NAV2: variants seen among roughly 807,000 people sequenced by gnomAD.
NAV2 encodes the protein neuron navigator 2, also known as helicase, APC down-regulated 1.
Under a neutral mutation model 223.2 loss-of-function variants are expected in NAV2, and 54 were observed. The ratio of observed to expected loss-of-function variants is 0.24; its 90% CI spans 0.19 to 0.30. The LOEUF (loss-of-function observed/expected upper bound fraction) is 0.30, where lower values mean the gene tolerates loss of function less well. Ranked by LOEUF, NAV2 falls within the 10% of genes least tolerant of loss-of-function variation. The pLI is 1.00. For synonymous variants in NAV2, 1,279 were observed against 1,239.3 expected (o/e 1.03, Z -0.67); for missense variants, 2,806 against 3,147.5 (o/e 0.89, Z 2.60).
At chr11:20,043,888 C>A in intron 12 of NAV2, 93 bp from the exon 13 acceptor site, 1 of 1,122,808 alleles carries the variant, frequency 8.9e-7, no homozygotes, top group East Asian at 2.4e-5. Flanking sequence ...TTTCCCTTAA[C>A]TACTCCAGTG....
At chr11:19,428,178 T>G (rs961358140) in intron 1 of NAV2, among the ~76,000 whole-genome samples, 49 of 152,120 alleles carry the variant, frequency 3.2e-4, no homozygotes, top group African/African-American at 1.1e-3. Context: ...GAAGTCAGGG[T>G]TTTTTTTGTT....
chr11:19,681,212 C>T (rs12290233), intron 1 of NAV2, among the ~76,000 whole-genome samples: 10,931 of 152,284 alleles, frequency 0.072, 699 homozygotes, highest in African/African-American at 0.17. Context: ...GGGACGTCCC[C>T]TGACCTGGCA....
At chr11:19,759,370 A>G (rs981471306) in intron 1 of NAV2, among the ~76,000 whole-genome samples, 1 of 152,176 alleles carries the variant, frequency 6.6e-6, no homozygotes, top group Non-Finnish European at 1.5e-5. Flanking sequence ...GGCGTGAGCC[A>G]CCGTGCCTGG....
chr11:19,936,080 G>C lies in NAV2; in HGVS notation c.2033+1803G>C, dbSNP rs539396682. ...GACAGGATTTCACCATGTTGTCCAG[G>C]CTGGTCTTGAACTCCTGAGCTCAGG... On this transcript the variant is annotated intron_variant, in intron 7 of 37. Coordinates refer to ENST00000349880, the MANE Select transcript of NAV2 (RefSeq NM_145117.5). Among the ~76,000 whole-genome samples the C allele has an allele frequency of 3.0e-3, 453 of 150,026 alleles. 1 individual carries two copies. Among genetic ancestry groups the C allele is most frequent in the African/African-American group, 0.011 (435 of 40,766 alleles).
chr11:19,384,008 A>G (rs1195486560), intron 1 of NAV2, among the ~76,000 whole-genome samples: 2 of 152,250 alleles, frequency 1.3e-5, no homozygotes, highest in African/African-American at 2.4e-5. Flanking sequence ...GAAATTGGCT[A>G]AATAAACCAT....
chr11:19,513,868 G>T (rs2134253602), intron 1 of NAV2, among the ~76,000 whole-genome samples: 1 of 152,300 alleles, frequency 6.6e-6, no homozygotes, highest in East Asian at 1.9e-4. Context: ...TGATGCAGCT[G>T]TACACAAAGG....
chr11:19,879,481 T>C (rs1294042293), intron 4 of NAV2, among the ~76,000 whole-genome samples: 2 of 152,048 alleles, frequency 1.3e-5, no homozygotes, highest in African/African-American at 2.4e-5. Context: ...GCTTGAAGCT[T>C]AGAACATGGA....
intron 3 of NAV2, among the ~76,000 whole-genome samples, chr11:19,863,872 C>T (rs749411742): frequency 2.0e-5 from 3 of 152,198 alleles, no homozygotes; most frequent in Non-Finnish European, 4.4e-5. Flanking sequence ...TTGCTTGACA[C>T]CCAGTAGGTG....
chr11:20,088,571 G>A (rs961964447), intron 26 of NAV2, among the ~76,000 whole-genome samples: 7 of 152,210 alleles, frequency 4.6e-5, no homozygotes, highest in African/African-American at 1.7e-4. Flanking sequence ...TTCTGGAGGA[G>A]CATAGGGAGG....
intron 1 of NAV2, among the ~76,000 whole-genome samples, chr11:19,597,133 C>A (rs989573462): frequency 6.6e-6 from 1 of 152,214 alleles, no homozygotes; most frequent in Non-Finnish European, 1.5e-5. Context: ...GACTTTGTCT[C>A]TCTGAGCCAA....
intron 11 of NAV2, among the ~76,000 whole-genome samples, chr11:20,018,654 A>C (rs1322340125): frequency 6.6e-6 from 1 of 152,182 alleles, no homozygotes; most frequent in Non-Finnish European, 1.5e-5. Flanking sequence ...CCACATCAGC[A>C]GTGATTTAGG....
chr11:19,509,967 G>T (rs897005747), intron 1 of NAV2, among the ~76,000 whole-genome samples: 1 of 152,192 alleles, frequency 6.6e-6, no homozygotes, highest in African/African-American at 2.4e-5. Context: ...CTGGGCATTA[G>T]CATTTTTCCA....
chr11:19,441,472 A>ACC (rs1554933617), intron 1 of NAV2, among the ~76,000 whole-genome samples: 3 of 151,292 alleles, frequency 2.0e-5, no homozygotes, highest in Admixed American at 6.6e-5. Flanking sequence ...ACACACACAC[A>ACC]CCCTTCAACA....
At chr11:19,542,938 C>T (rs1289433416) in intron 1 of NAV2, among the ~76,000 whole-genome samples, 1 of 152,220 alleles carries the variant, frequency 6.6e-6, no homozygotes, top group Non-Finnish European at 1.5e-5. Flanking sequence ...GGCAGGTTCC[C>T]TGATCAGGGA....
intron 1 of NAV2, among the ~76,000 whole-genome samples, chr11:19,825,291 CAAAAAAAAAAAAAAAA>C (rs58499844): frequency 5.4e-4 from 26 of 48,206 alleles, no homozygotes; most frequent in Admixed American, 2.1e-3. Flanking sequence ...GACTCTGTCT[CAAAAAAAAAAAAAAAA>C]AAAAAAAAAA....
At chr11:19,393,904 T>TC (rs1554918389) in intron 1 of NAV2, among the ~76,000 whole-genome samples, 3 of 27,008 alleles carry the variant, frequency 1.1e-4, no homozygotes, top group African/African-American at 1.9e-4. Flanking sequence ...GGTTTTTTTT[T>TC]TCTTTTTTTT....
Position 19,596,145 on chromosome 11 carries a change from G to A in NAV2, c.76-236339G>A, listed in dbSNP as rs60953008. On this transcript the variant is annotated intron_variant, in intron 1 of 37. Transcript: ENST00000360655. Reference sequence around the variant, plus strand: ...CAGTGCTCTAAAATTCTATTTTATAGGACAATGTTGATGTCATAAGGCTGG... The same window carrying A: ...CAGTGCTCTAAAATTCTATTTTATAAGACAATGTTGATGTCATAAGGCTGG... Among the ~76,000 whole-genome samples, 969 of 152,306 alleles carry A rather than the reference G, an allele frequency of 6.4e-3. 10 individuals carry two copies. The highest frequency in any genetic ancestry group is 0.022 in the African/African-American group (921 of 41,564).
intron 1 of NAV2, among the ~76,000 whole-genome samples, chr11:19,435,699 C>G (rs1851190361): frequency 6.6e-6 from 1 of 152,144 alleles, no homozygotes; most frequent in Admixed American, 6.5e-5. Context: ...CAACAGTGTA[C>G]AAGCGTTCTC....
chr11:19,492,074 GCA>G (rs1162279575), intron 1 of NAV2, among the ~76,000 whole-genome samples: 2 of 152,040 alleles, frequency 1.3e-5, no homozygotes, highest in African/African-American at 4.8e-5. Flanking sequence ...CTAATCTTGG[GCA>G]CAGTTTGTGG....
Sources: gnomAD v4.1 joint callset for allele counts (sites outside exome capture counted in the v4.1 genomes callset) on GRCh38, gnomAD v4.1.1 for gene constraint, MANE v1.5 for transcripts, NCBI Gene and HGNC (gene_info 2026-07-23, HGNC 2026-07-21) for gene names.